Variants in DNMT3A observed in about 807,000 individuals in gnomAD.
DNMT3A encodes the protein DNA methyltransferase 3 alpha, also known as DNA (cytosine-5)-methyltransferase 3A.
DNMT3A carries 267 observed loss-of-function variants against 117.6 expected under a neutral mutation model. The observed-to-expected ratio is 2.27, with a 90% CI of 2.05 to 2.51. The LOEUF is 2.51. Ranked by LOEUF, DNMT3A falls within the 30% of genes most tolerant of loss-of-function variation. The probability of loss-of-function intolerance (pLI) is 0.00; values close to 1 mark genes in which losing one functional copy is unlikely to be tolerated. For synonymous variants in DNMT3A, 432 were observed against 474.8 expected (o/e 0.91, Z 1.17); for missense variants, 1,029 against 1,260.2 (o/e 0.82, Z 2.78).
At chr2:25,292,353 A>G (rs1490457423) in intron 3 of DNMT3A, among the ~76,000 whole-genome samples, 1 of 53,630 alleles carries the variant, frequency 1.9e-5, no homozygotes, top group African/African-American at 9.7e-5. Context: ...CTGTCTCAAA[A>G]ACAAAAACAA....
intron 1 of DNMT3A, among the ~76,000 whole-genome samples, chr2:25,329,714 GACACACAGATACAAAC>G (rs2034942800): frequency 8.4e-6 from 1 of 118,598 alleles, no homozygotes; most frequent in Non-Finnish European, 1.9e-5. Flanking sequence ...CACACACACA[GACACACAGATACAAAC>G]ACACATAGAT....
At chr2:25,246,531 G>C in intron 10 of DNMT3A, 89 bp downstream of exon 10, 6 of 1,527,600 alleles carry the variant, frequency 3.9e-6, no homozygotes, top group Non-Finnish European at 5.3e-6. Context: ...TGGAGGCCTT[G>C]GCAGCCCTCC....
In DNMT3A at chr2:25,281,830, C is replaced by T. The variant is rs1007546186; in HGVS notation, c.448+611G>A. The T allele has an allele frequency of 2.8e-6, 3 of 1,066,908 alleles. No homozygotes were observed. The highest frequency in any genetic ancestry group is 3.4e-6 in the Non-Finnish European group (3 of 880,286). The allele number at this position is 1,066,908 out of a possible 1,614,324, so 66.1% of individuals were successfully genotyped here. ...CCCAGATGAAGAGGCCTGGGCTGGGCAGTACACAGAATACAATCACCCAGC... is the reference window on the plus strand; with the variant it reads ...CCCAGATGAAGAGGCCTGGGCTGGGTAGTACACAGAATACAATCACCCAGC... On this transcript the variant is annotated intron_variant, in intron 4 of 22. Coordinates refer to ENST00000321117, the MANE Select transcript of DNMT3A (RefSeq NM_022552.5). This position sits in a 1 kb window ranked among gnomAD's most constrained non-coding sequence, Gnocchi z 4.8.
chr2:25,243,172 G>A (rs1363136837), intron 16 of DNMT3A, among the ~76,000 whole-genome samples: 1 of 152,060 alleles, frequency 6.6e-6, no homozygotes, highest in Non-Finnish European at 1.5e-5. Flanking sequence ...GGGCGTGGTG[G>A]TGGGTGCCTG....
chr2:25,301,855 C>G (rs577439953), intron 2 of DNMT3A, among the ~76,000 whole-genome samples: 1 of 152,320 alleles, frequency 6.6e-6, no homozygotes, highest in East Asian at 1.9e-4. Flanking sequence ...CCACAGCTCT[C>G]CTGGAGACCT....
At chr2:25,340,619 G>C (rs2035384334) in intron 1 of DNMT3A, among the ~76,000 whole-genome samples, 1 of 152,124 alleles carries the variant, frequency 6.6e-6, no homozygotes, top group South Asian at 2.1e-4. Context: ...CCCGGGGTGC[G>C]GGGACGTGGG....
intron 6 of DNMT3A, among the ~76,000 whole-genome samples, chr2:25,267,262 A>C (rs148755234): frequency 1.4e-3 from 215 of 152,366 alleles, no homozygotes; most frequent in African/African-American, 5.1e-3. Flanking sequence ...GATAGCATCA[A>C]GTATTTCTGG....
intron 4 of DNMT3A, among the ~76,000 whole-genome samples, chr2:25,276,877 A>G (rs1382608437): frequency 6.6e-6 from 1 of 152,244 alleles, no homozygotes; most frequent in East Asian, 1.9e-4. Flanking sequence ...GTGAAGCGGA[A>G]GCCAGCCACA....
chr2:25,323,498 G>A (rs1424957845), intron 1 of DNMT3A, among the ~76,000 whole-genome samples: 1 of 152,200 alleles, frequency 6.6e-6, no homozygotes, highest in Non-Finnish European at 1.5e-5. Flanking sequence ...TACCAGCTGT[G>A]TGGCCTGAGG....
At chr2:25,285,413 C>T (rs935475353) in intron 3 of DNMT3A, among the ~76,000 whole-genome samples, 2 of 152,222 alleles carry the variant, frequency 1.3e-5, no homozygotes, top group Non-Finnish European at 2.9e-5. Flanking sequence ...TGGATGGGGA[C>T]CCGGGCACAG....
intron 1 of DNMT3A, among the ~76,000 whole-genome samples, chr2:25,340,982 AC>A (rs2035404494): frequency 2.2e-5 from 3 of 138,628 alleles, no homozygotes; most frequent in Non-Finnish European, 4.7e-5. Context: ...GGGCACGACC[AC>A]CCCTCTCCGT....
intron 17 of DNMT3A, among the ~76,000 whole-genome samples, chr2:25,241,054 G>A (rs1361308985): frequency 6.6e-6 from 1 of 152,170 alleles, no homozygotes; most frequent in Non-Finnish European, 1.5e-5. Context: ...AGGGTGTCTG[G>A]GCCATGTGAA....
At chr2:25,272,484 T>C (rs917328094) in intron 6 of DNMT3A, among the ~76,000 whole-genome samples, 1 of 152,322 alleles carries the variant, frequency 6.6e-6, no homozygotes, top group Non-Finnish European at 1.5e-5. Context: ...AAAGTCATAG[T>C]CTAAGCTTCT....
rs888050719 is a variant in DNMT3A, at chr2:25,288,479, C to A, written c.178-5768G>T. On this transcript the variant is annotated intron_variant, in intron 3 of 22. Coordinates refer to ENST00000321117, the MANE Select transcript of DNMT3A (RefSeq NM_022552.5). ...GCTGACTGCCACCATGCCTGGCTAA[C>A]TTTTGTATTTTTAGTAGAGATGGGA... Among the ~76,000 whole-genome samples the A allele has an allele frequency of 1.1e-4, 17 of 151,640 alleles. No homozygotes were observed. The East Asian group carries it at 1.6e-3, about 14-fold the overall frequency.
intron 6 of DNMT3A, among the ~76,000 whole-genome samples, chr2:25,267,701 A>G (rs1486104920): frequency 2.0e-5 from 3 of 152,250 alleles, no homozygotes; most frequent in African/African-American, 7.2e-5. Context: ...GCTCTGTGCT[A>G]GGAGCTTTAA....
In DNMT3A at chr2:25,228,605, A is replaced by G. The variant is rs1672762569; in HGVS notation, c.*5674T>C. ...AATGCCTTTTTAATAATAATATATC[A>G]GAGTAAAATAATAGTCTCTTTTAAA... On this transcript the variant is annotated 3_prime_UTR_variant, in exon 23 of 23. Transcript: ENST00000321117. 6.6e-6 allele frequency: 1 copy of G among 152,202 alleles called. No individual in the cohort carries two copies. Among genetic ancestry groups the G allele is most frequent in the Admixed American group, 6.5e-5 (1 of 15,280 alleles). The allele number at this position is 152,202 out of a possible 1,614,324, so 9.4% of individuals were successfully genotyped here. A position where few individuals can be genotyped will look rare whatever the true frequency, so the allele number is the denominator to read the frequency against.
chr2:25,252,895 T>TG lies in DNMT3A; in HGVS notation c.640-4644dup, dbSNP rs1426472701. 4.0e-5 allele frequency among the ~76,000 whole-genome samples: 6 copies of TG among 151,642 alleles called. No individual in the cohort carries two copies. The highest frequency in any genetic ancestry group is 6.6e-5 in the Admixed American group (1 of 15,232). On this transcript the variant is annotated intron_variant, in intron 6 of 22. Coordinates refer to ENST00000321117, the MANE Select transcript of DNMT3A (RefSeq NM_022552.5). The surrounding 1 kb of genome is among the most constrained non-coding windows in gnomAD (Gnocchi z 5.5). ...GGAGCGCTCCAGATCGGGGATTGTTTGGGGGGTCTCCCGCCTCCACACTAC... is the reference window on the plus strand; with the variant it reads ...GGAGCGCTCCAGATCGGGGATTGTTTGGGGGGGTCTCCCGCCTCCACACTAC...
chr2:25,306,685 C>T lies in DNMT3A; in HGVS notation c.73-6442G>A, dbSNP rs569146055. On this transcript the variant is annotated intron_variant, in intron 2 of 22. Coordinates refer to ENST00000321117, the MANE Select transcript of DNMT3A (RefSeq NM_022552.5). The surrounding 1 kb of genome is among the most constrained non-coding windows in gnomAD (Gnocchi z 4.1). ...CAGGGTGGGCCAGACCTCACACCCA[C>T]GAGCAGCACACCTCAGCCCTGTCCA... Among the ~76,000 whole-genome samples, 35 of 152,332 alleles carry T rather than the reference C, an allele frequency of 2.3e-4. No homozygotes were observed. The South Asian group carries it at 6.0e-3, about 26-fold the overall frequency.
At chr2:25,270,795 G>A (rs1171972587) in intron 6 of DNMT3A, among the ~76,000 whole-genome samples, 1 of 152,222 alleles carries the variant, frequency 6.6e-6, no homozygotes, top group African/African-American at 2.4e-5. Context: ...GGGCTCAAAT[G>A]TCAGAGAGCA....
Sources: allele counts gnomAD v4.1 joint callset (sites outside exome capture counted in the v4.1 genomes callset), GRCh38; gene constraint gnomAD v4.1.1; non-coding constraint Gnocchi (gnomAD v3.1); transcripts MANE v1.5; gene names NCBI Gene and HGNC (gene_info 2026-07-23, HGNC 2026-07-21).